The following CUX2 variants were observed in gnomAD, a reference collection of about 807,000 sequenced individuals.
CUX2 encodes homeobox protein cut-like 2.
In CUX2, 40 loss-of-function variants were observed where a neutral mutation model predicts 144.8. The ratio of observed to expected loss-of-function variants is 0.28; its 90% CI spans 0.21 to 0.36. The LOEUF (loss-of-function observed/expected upper bound fraction) is 0.36, where lower values mean the gene tolerates loss of function less well. Ranked by LOEUF, CUX2 falls within the 10% of genes least tolerant of loss-of-function variation. The pLI is 1.00. For missense variants in CUX2, 1,615 were observed against 1,994.0 expected (o/e 0.81, Z 3.62); for synonymous variants, 827 against 875.6 (o/e 0.94, Z 0.98).
chr12:111,345,094 T>G (rs1888734114), intron 21 of CUX2, among the ~76,000 whole-genome samples: 1 of 151,842 alleles, frequency 6.6e-6, no homozygotes, highest in Admixed American at 6.6e-5. Flanking sequence ...TTAAAAAATG[T>G]TTTTTGATCC....
intron 2 of CUX2, 105 bp downstream of exon 2, chr12:111,214,415 G>A (rs1253951518): frequency 3.2e-5 from 21 of 660,370 alleles, no homozygotes; most frequent in Admixed American, 1.4e-4. Flanking sequence ...AACAAGAAAA[G>A]AAGCTAATTA....
intron 3 of CUX2, among the ~76,000 whole-genome samples, chr12:111,248,665 C>T (rs1389490112): frequency 6.6e-6 from 1 of 152,100 alleles, no homozygotes; most frequent in Non-Finnish European, 1.5e-5. Context: ...CACAGAGAAA[C>T]GCTAATGCTC....
rs1295948196 is a variant in CUX2, at chr12:111,061,191, C to CAT, written c.63+26952_63+26953insTA. 6.7e-6 allele frequency among the ~76,000 whole-genome samples: 1 copy of CAT among 150,054 alleles called. No individual in the cohort carries two copies. Among genetic ancestry groups the CAT allele is most frequent in the Non-Finnish European group, 1.5e-5 (1 of 67,754 alleles). ...GTGCATGCATATGCACACACACACA[C>CAT]ACACACACACACACACACACACACA... On this transcript the variant is annotated intron_variant, in intron 1 of 21. Transcript: ENST00000261726. This position sits in a 1 kb window ranked among gnomAD's most constrained non-coding sequence, Gnocchi z 4.2.
At chr12:111,151,930 G>A (rs1006646941) in intron 1 of CUX2, among the ~76,000 whole-genome samples, 1 of 152,126 alleles carries the variant, frequency 6.6e-6, no homozygotes, top group Non-Finnish European at 1.5e-5. Flanking sequence ...CAGGAGATTG[G>A]CCTGGATCGC....
At chr12:111,141,700 C>A (rs920783429) in intron 1 of CUX2, among the ~76,000 whole-genome samples, 3 of 152,148 alleles carry the variant, frequency 2.0e-5, no homozygotes, top group Non-Finnish European at 2.9e-5. Flanking sequence ...GTCATGTGTC[C>A]CCCAGTGAAT....
intron 4 of CUX2, among the ~76,000 whole-genome samples, chr12:111,268,226 T>G (rs1884475588): frequency 6.6e-6 from 1 of 151,904 alleles, no homozygotes; most frequent in Admixed American, 6.6e-5. Flanking sequence ...TTGTTTTTTG[T>G]TTTTTGTTTT....
chr12:111,159,538 A>G (rs1390118311), intron 1 of CUX2, among the ~76,000 whole-genome samples: 1 of 152,140 alleles, frequency 6.6e-6, no homozygotes, highest in Admixed American at 6.5e-5. Flanking sequence ...AAAAATATTA[A>G]TTTTTTAAGG....
intron 4 of CUX2, among the ~76,000 whole-genome samples, chr12:111,285,533 C>A (rs758543779): frequency 5.9e-5 from 9 of 152,122 alleles, no homozygotes; most frequent in Non-Finnish European, 1.3e-4. Flanking sequence ...GGACTGAGTC[C>A]CTGAGATGTT....
At chr12:111,161,947 T>C (rs1284535987) in intron 1 of CUX2, among the ~76,000 whole-genome samples, 1 of 152,164 alleles carries the variant, frequency 6.6e-6, no homozygotes, top group Non-Finnish European at 1.5e-5. Flanking sequence ...TGTTGCCCAA[T>C]GTGGTCTCGA....
chr12:111,214,433 A>G, intron 2 of CUX2, 123 bp downstream of exon 2: 1 of 603,146 alleles, frequency 1.7e-6, no homozygotes, highest in Non-Finnish European at 2.8e-6. Flanking sequence ...TTAGCCACAA[A>G]GAAAAATGAC....
chr12:111,336,446 G>A (rs973368051), intron 19 of CUX2, among the ~76,000 whole-genome samples: 3 of 150,892 alleles, frequency 2.0e-5, no homozygotes, highest in Non-Finnish European at 3.0e-5. Context: ...GTGTGTGTGT[G>A]TGTGTGTGTG....
chr12:111,279,767 A>T (rs1162822624), intron 4 of CUX2, among the ~76,000 whole-genome samples: 1 of 152,130 alleles, frequency 6.6e-6, no homozygotes, highest in Non-Finnish European at 1.5e-5. Flanking sequence ...GCAGATCGCA[A>T]GGTCAAGAGA....
In CUX2 at chr12:111,253,102, T is replaced by G. The variant is rs369560285; in HGVS notation, c.223-10659T>G. 3.9e-5 allele frequency among the ~76,000 whole-genome samples: 6 copies of G among 152,152 alleles called. No individual in the cohort carries two copies. In the East Asian group the frequency reaches 9.7e-4, roughly 24 times the overall value. ...GCCGCCTGGGTTGTTCTCCTGGAAC[T>G]CGGCAGGAGCCACTTCCCTGGTCTC... On this transcript the variant is annotated intron_variant, in intron 3 of 21. Coordinates refer to ENST00000261726, the MANE Select transcript of CUX2 (RefSeq NM_015267.4).
chr12:111,146,638 C>CAA (rs3061089), intron 1 of CUX2, among the ~76,000 whole-genome samples: 1 of 152,188 alleles, frequency 6.6e-6, no homozygotes, highest in African/African-American at 2.4e-5. Context: ...GGGTTAGTAA[C>CAA]GTGTATTTGA....
chr12:111,213,769 C>T (rs1351144290), intron 1 of CUX2, among the ~76,000 whole-genome samples: 2 of 152,158 alleles, frequency 1.3e-5, no homozygotes, highest in Admixed American at 6.6e-5. Flanking sequence ...CTGTCGACAG[C>T]ACTTTCTTCC....
At chr12:111,220,773 A>C in intron 3 of CUX2, among the ~76,000 whole-genome samples, 1 of 138,116 alleles carries the variant, frequency 7.2e-6, no homozygotes, top group Non-Finnish European at 1.6e-5. Context: ...AAAAAAAAAA[A>C]AAAAAAATTT....
intron 3 of CUX2, among the ~76,000 whole-genome samples, chr12:111,256,653 G>A (rs1209072333): frequency 6.6e-6 from 1 of 152,146 alleles, no homozygotes; most frequent in Non-Finnish European, 1.5e-5. Context: ...ACAGTTTGCA[G>A]CTGCAAGTCT....
intron 1 of CUX2, among the ~76,000 whole-genome samples, chr12:111,119,619 C>T (rs1291621732): frequency 1.3e-5 from 2 of 152,148 alleles, no homozygotes; most frequent in Non-Finnish European, 2.9e-5. Context: ...TTGACTTGAG[C>T]ATTGATGGAC....
intron 16 of CUX2, among the ~76,000 whole-genome samples, chr12:111,315,820 G>A (rs887732799): frequency 5.3e-5 from 8 of 152,042 alleles, no homozygotes; most frequent in Admixed American, 4.6e-4. Context: ...AGGAGTTTGA[G>A]ACTAGCCTGG....
Sources: gnomAD v4.1 joint callset for allele counts (sites outside exome capture counted in the v4.1 genomes callset) on GRCh38, gnomAD v4.1.1 for gene constraint, Gnocchi (gnomAD v3.1) non-coding constraint, MANE v1.5 for transcripts, NCBI Gene and HGNC (gene_info 2026-07-23, HGNC 2026-07-21) for gene names.